Variants in POU6F2 observed in about 807,000 individuals in gnomAD.
The protein encoded by POU6F2 is POU domain, class 6, transcription factor 2.
In POU6F2, 31 loss-of-function variants were observed where a neutral mutation model predicts 71.3. That is an observed-to-expected ratio of 0.43 (90% CI 0.33 to 0.59). The LOEUF (loss-of-function observed/expected upper bound fraction) is 0.59. Among genes scored for constraint, POU6F2 ranks in the 20% least tolerant of loss-of-function variants. POU6F2 has a pLI of 0.04. For synonymous variants in POU6F2, 347 were observed against 355.7 expected (o/e 0.98, Z 0.27); for missense variants, 783 against 856.8 (o/e 0.91, Z 1.07).
intron 2 of POU6F2, among the ~76,000 whole-genome samples, chr7:39,147,050 T>C (rs2128733142): frequency 6.6e-6 from 1 of 152,300 alleles, no homozygotes; most frequent in Middle Eastern, 3.4e-3. Context: ...CATATACACA[T>C]AGAAAAAGTC....
In POU6F2 at chr7:39,348,076, A is replaced by G. The variant is rs540339529; in HGVS notation, c.972+8061A>G. Among the ~76,000 whole-genome samples the G allele has an allele frequency of 4.9e-4, 71 of 144,838 alleles. 9 individuals are homozygous for G. In the South Asian group the frequency reaches 0.012, roughly 24 times the overall value. ...GGTGTACAGATATTAGGCTGGGAGA[A>G]GACAGTTGTTACATCTAAAACTTTC... On this transcript the variant is annotated intron_variant, in intron 5 of 9. Transcript: ENST00000518318.
intron 1 of POU6F2, among the ~76,000 whole-genome samples, chr7:39,011,282 C>G (rs1789276197): frequency 6.7e-6 from 1 of 150,000 alleles, no homozygotes; most frequent in Non-Finnish European, 1.5e-5. Context: ...TATGTAATGG[C>G]CTTCTTTGTC....
chr7:39,040,218 T>G (rs1477177659), intron 1 of POU6F2, among the ~76,000 whole-genome samples: 1 of 140,644 alleles, frequency 7.1e-6, no homozygotes, highest in Non-Finnish European at 1.5e-5. Flanking sequence ...GCCAATAATT[T>G]TCTTGCATGT....
chr7:39,076,277 A>G (rs887674058), intron 1 of POU6F2, among the ~76,000 whole-genome samples: 1 of 147,396 alleles, frequency 6.8e-6, no homozygotes, highest in African/African-American at 2.5e-5. Context: ...CTTCCTATCA[A>G]TCAACCAGTC....
intron 4 of POU6F2, among the ~76,000 whole-genome samples, chr7:39,296,519 T>G (rs1030576769): frequency 1.3e-5 from 2 of 152,204 alleles, no homozygotes; most frequent in African/African-American, 4.8e-5. Flanking sequence ...TTTTGTACCC[T>G]TGTAGCTCTT....
chr7:39,038,804 C>T (rs1305496120), intron 1 of POU6F2, among the ~76,000 whole-genome samples: 1 of 151,884 alleles, frequency 6.6e-6, no homozygotes, highest in African/African-American at 2.4e-5. Flanking sequence ...TTGGAAGCAA[C>T]AGTACCTGGG....
chr7:39,257,309 C>G (rs1376076480), intron 4 of POU6F2, among the ~76,000 whole-genome samples: 3 of 152,082 alleles, frequency 2.0e-5, no homozygotes, highest in African/African-American at 7.2e-5. Flanking sequence ...TCTGAAAAAC[C>G]TAGAAATTAT....
At chr7:39,176,902 C>A (rs1462971904) in intron 2 of POU6F2, among the ~76,000 whole-genome samples, 1 of 152,086 alleles carries the variant, frequency 6.6e-6, no homozygotes, top group Admixed American at 6.6e-5. Flanking sequence ...AGTTAAGGGG[C>A]ATAATGAAAC....
chr7:39,148,870 C>T (rs756582601), intron 2 of POU6F2, among the ~76,000 whole-genome samples: 1 of 151,980 alleles, frequency 6.6e-6, no homozygotes, highest in African/African-American at 2.4e-5. Context: ...GTAGTGATCG[C>T]GAGATGATGT....
chr7:39,134,035 C>T (rs569218622), intron 2 of POU6F2, among the ~76,000 whole-genome samples: 11 of 152,090 alleles, frequency 7.2e-5, no homozygotes, highest in African/African-American at 1.4e-4. Flanking sequence ...CCACCATGAC[C>T]GGCTAATTTT....
chr7:39,285,131 CTTCAGACTCCT>C (rs1305842946), intron 4 of POU6F2, among the ~76,000 whole-genome samples: 1 of 152,232 alleles, frequency 6.6e-6, no homozygotes, highest in Non-Finnish European at 1.5e-5. Context: ...ATCCCCAAGT[CTTCAGACTCCT>C]AATCAACAAA....
intron 4 of POU6F2, among the ~76,000 whole-genome samples, chr7:39,335,509 T>C (rs1785751571): frequency 6.6e-6 from 1 of 152,090 alleles, no homozygotes; most frequent in Non-Finnish European, 1.5e-5. Context: ...GTCAAACCCT[T>C]AGGAGAAAAT....
At chr7:39,021,052 A>G (rs987755692) in intron 1 of POU6F2, among the ~76,000 whole-genome samples, 2 of 151,574 alleles carry the variant, frequency 1.3e-5, no homozygotes, top group South Asian at 4.2e-4. Flanking sequence ...CTTTTAATGG[A>G]GAAATGTAAT....
intron 7 of POU6F2, among the ~76,000 whole-genome samples, chr7:39,442,063 A>T (rs887378519): frequency 3.3e-5 from 5 of 152,250 alleles, no homozygotes; most frequent in African/African-American, 1.2e-4. Flanking sequence ...TCCAACCACG[A>T]AAACAAACCC....
intron 6 of POU6F2, among the ~76,000 whole-genome samples, chr7:39,411,220 T>C (rs1787541708): frequency 6.6e-6 from 1 of 152,122 alleles, no homozygotes; most frequent in Non-Finnish European, 1.5e-5. Context: ...GGAGGGAAAA[T>C]GTGAGTGTAT....
At chr7:39,041,192 A>AT (rs1163924088) in intron 1 of POU6F2, among the ~76,000 whole-genome samples, 8 of 151,896 alleles carry the variant, frequency 5.3e-5, no homozygotes, top group East Asian at 3.9e-4. Flanking sequence ...GCTTTATCTG[A>AT]TTTTTTTTAT....
chr7:39,233,530 C>G (rs1794616406), intron 4 of POU6F2, among the ~76,000 whole-genome samples: 1 of 152,164 alleles, frequency 6.6e-6, no homozygotes, highest in East Asian at 1.9e-4. Flanking sequence ...TGATCTACTT[C>G]CCTCCCTCCC....
intron 4 of POU6F2, among the ~76,000 whole-genome samples, chr7:39,230,946 A>G (rs922386511): frequency 6.6e-6 from 1 of 151,632 alleles, no homozygotes; most frequent in African/African-American, 2.4e-5. Flanking sequence ...GTCTTCCCCT[A>G]CTCCCCCAGG....
At chr7:39,195,668 T>C (rs1487550283) in intron 2 of POU6F2, among the ~76,000 whole-genome samples, 1 of 151,954 alleles carries the variant, frequency 6.6e-6, no homozygotes, top group Non-Finnish European at 1.5e-5. Flanking sequence ...GTAAAAACAG[T>C]TGAAAATCTC....
Sources: gnomAD v4.1 joint callset for allele counts (sites outside exome capture counted in the v4.1 genomes callset) on GRCh38, gnomAD v4.1.1 for gene constraint, MANE v1.5 for transcripts, NCBI Gene and HGNC (gene_info 2026-07-23, HGNC 2026-07-21) for gene names.